Variants in ANO9 observed in about 807,000 individuals in gnomAD.
ANO9 encodes the protein anoctamin-9.
ANO9 carries 80 observed loss-of-function variants against 100.5 expected under a neutral mutation model. The observed-to-expected ratio is 0.80, with a 90% confidence interval of 0.66 to 0.96. ANO9 has a LOEUF of 0.96. ANO9 is among the 40% of genes least tolerant of loss of function. The pLI is 0.00. For missense variants in ANO9, 1,064 were observed against 1,072.7 expected (o/e 0.99, Z 0.11); for synonymous variants, 473 against 435.6 (o/e 1.09, Z -1.07).
At chr11:423,832 A>G (rs1303890739) in intron 15 of ANO9, among the ~76,000 whole-genome samples, 9 of 151,060 alleles carry the variant, frequency 6.0e-5, no homozygotes. Context: ...CACTCAGCCA[A>G]ATGTTTAATA....
chr11:420,058 G>T, intron 19 of ANO9: 1 of 1,318,646 alleles, frequency 7.6e-7, no homozygotes, highest in Non-Finnish European at 9.7e-7. Context: ...CCGAGACTGG[G>T]GGCCTCCCTA....
intron 22 of ANO9, 26 bp downstream of exon 22, chr11:418,694 C>G: frequency 6.2e-7 from 1 of 1,612,470 alleles, no homozygotes; most frequent in Non-Finnish European, 8.5e-7. Flanking sequence ...AGACCCACTC[C>G]GAGGCCTCTC....
rs1021291634 is a variant in ANO9 at position 422,231 on chromosome 11, G to C, written c.1335-1033C>G. ...ATGAAGAAAACTATAAAACTACCAA[G>C]GAGCATGAAAGACTTGCAGGGAGAA... On this transcript the variant is annotated intron_variant, in intron 15 of 22. Transcript: ENST00000332826. The surrounding 1 kb of genome is among the most constrained non-coding windows in gnomAD (Gnocchi z 4.3). 1.3e-5 allele frequency among the ~76,000 whole-genome samples: 2 copies of C among 152,174 alleles called. No individual in the cohort carries two copies. The highest frequency in any genetic ancestry group is 2.9e-5 in the Non-Finnish European group (2 of 68,036).
chr11:424,337 T>G (rs980873977), intron 15 of ANO9, among the ~76,000 whole-genome samples: 1 of 152,212 alleles, frequency 6.6e-6, no homozygotes, highest in Non-Finnish European at 1.5e-5. Context: ...GACCTCCCCA[T>G]GCAAAGAGGC....
At position 430,170 on chromosome 11, in the gene ANO9, G is replaced by A; in HGVS notation, c.684C>T (p.Ile228=). The change falls in exon 9 of 23, where the codon ATC becomes ATT. Residue 228 remains isoleucine (I), a synonymous_variant. Coordinates refer to ENST00000332826, the MANE Select transcript of ANO9 (RefSeq NM_001012302.3). ...ACATGAGGATGTCGTGGGCCTCACAGATCTCCTTGCTGAAGGGGCAGGGAT... is the reference window on the plus strand; with the variant it reads ...ACATGAGGATGTCGTGGGCCTCACAAATCTCCTTGCTGAAGGGGCAGGGAT... ...LFEASQISKE[I]CEAHDILMCP... 1 of 1,552,076 alleles carries A rather than the reference G, an allele frequency of 6.4e-7. No homozygotes were observed. Among genetic ancestry groups the A allele is most frequent in the Non-Finnish European group, 8.7e-7 (1 of 1,148,140 alleles).
chr11:423,510 T>C (rs1848316542), intron 15 of ANO9, among the ~76,000 whole-genome samples: 1 of 152,078 alleles, frequency 6.6e-6, no homozygotes, highest in Non-Finnish European at 1.5e-5. Context: ...AGTCAGGGAT[T>C]TGAAGGTTTA....
At position 433,928 on chromosome 11, in the gene ANO9, AG is replaced by A; in HGVS notation, c.90del (p.Ser31ProfsTer39). On this transcript the variant is annotated frameshift_variant, in exon 3 of 23. Transcript: ENST00000332826. LOFTEE classifies it high-confidence loss of function. ...LMEISTCETE[A>X]SEQWDYVLVA... is the part of the protein sequence containing the mutation. ...ACGAGGACATAGTCCCACTGCTCGG[AG>A]GCCTCGGTCTGCAGGGAGGAGGCAT... The A allele has an allele frequency of 6.4e-7, 1 of 1,562,218 alleles. No individual in the cohort carries two copies. Among genetic ancestry groups the A allele is most frequent in the Non-Finnish European group, 8.7e-7 (1 of 1,153,136 alleles).
chr11:433,256 C>A (rs1051534091), intron 4 of ANO9, 58 bp downstream of exon 4: 2 of 1,585,744 alleles, frequency 1.3e-6, no homozygotes, highest in African/African-American at 2.7e-5. Flanking sequence ...CCGGTCTGGA[C>A]CAATCACACA....
chr11:423,271 A>G (rs921740529), intron 15 of ANO9, among the ~76,000 whole-genome samples: 10 of 152,256 alleles, frequency 6.6e-5, no homozygotes, highest in African/African-American at 2.2e-4. Flanking sequence ...GCATAAAGCA[A>G]TAATACCCAG....
At chr11:430,000 C>G (rs904215386) in intron 9 of ANO9, 83 bp downstream of exon 9, 3 of 1,468,842 alleles carry the variant, frequency 2.0e-6, no homozygotes, top group Non-Finnish European at 2.8e-6. Flanking sequence ...CTGCAGGGCT[C>G]CAGGCCTTGA....
rs999107672 is a variant in ANO9 at position 420,642 on chromosome 11, G to A, written c.1634-27C>T. The A allele has an allele frequency of 2.5e-6, 4 of 1,603,004 alleles. No homozygotes were observed. In the African/African-American group the frequency reaches 4.0e-5, roughly 16 times the overall value. ...TGCGCGGTGGGGGTCAGGCTCACCG[G>A]CGCCCCGCACTCATGTCCGCGGACC... On this transcript the variant is annotated intron_variant, in intron 18 of 22. Coordinates refer to ENST00000332826, the MANE Select transcript of ANO9 (RefSeq NM_001012302.3).
At chr11:441,878 T>C (rs1438424786) in intron 1 of ANO9, 43 bp downstream of exon 1, 6 of 1,598,528 alleles carry the variant, frequency 3.8e-6, no homozygotes, top group Middle Eastern at 1.7e-4. Flanking sequence ...TGGGCGTGGC[T>C]GGGGGCCTTG....
rs1848636054 is a variant in ANO9, at chr11:428,126, A to G, written c.1296T>C (p.His432=). ...AGGCGATGTAGATGAGAGACGAGAAATGGGTGAAGAACTGCAGTGTGAAGA... is the reference window on the plus strand; with the variant it reads ...AGGCGATGTAGATGAGAGACGAGAAGTGGGTGAAGAACTGCAGTGTGAAGA... ...IRFFTLQFFT[H]FSSLIYIAFI... The change falls in exon 15 of 23, where the codon CAT becomes CAC. Residue 432 remains histidine (H), a synonymous_variant. Transcript: ENST00000332826. The G allele has an allele frequency of 6.8e-6, 11 of 1,610,220 alleles. No individual in the cohort carries two copies. The highest frequency in any genetic ancestry group is 9.3e-6 in the Non-Finnish European group (11 of 1,179,356).
chr11:437,614 C>T (rs1484767416), intron 1 of ANO9, among the ~76,000 whole-genome samples: 2 of 152,020 alleles, frequency 1.3e-5, no homozygotes, highest in South Asian at 2.1e-4. Context: ...CTTCATCCTC[C>T]GACAGATATG....
chr11:441,807 C>T (rs1396260407), intron 1 of ANO9, 114 bp downstream of exon 1: 3 of 1,467,842 alleles, frequency 2.0e-6, no homozygotes, highest in African/African-American at 2.8e-5. Context: ...GGACCCCCCC[C>T]ACACACACAG....
Position 428,652 on chromosome 11 carries a change from T to C in ANO9, c.1021-13A>G. On this transcript the variant is annotated splice_polypyrimidine_tract_variant and intron_variant, in intron 12 of 22. Transcript: ENST00000332826. ...TCATGAGGCAGATCTGCGGGACAGC[T>C]GTGGTGGGCGGGGGCCGGGGAGGGC... 1 of 1,611,766 alleles carries C rather than the reference T, an allele frequency of 6.2e-7. No homozygotes were observed. Among genetic ancestry groups the C allele is most frequent in the Non-Finnish European group, 8.5e-7 (1 of 1,179,306 alleles).
intron 15 of ANO9, among the ~76,000 whole-genome samples, chr11:425,275 AG>A (rs1564911625): frequency 2.3e-4 from 2 of 8,712 alleles, no homozygotes; most frequent in Non-Finnish European, 4.3e-4. Flanking sequence ...GGCGGCGTGG[AG>A]AGACGGGACG....
intron 18 of ANO9, 35 bp downstream of exon 18, chr11:420,683 T>C: frequency 6.2e-7 from 1 of 1,601,730 alleles, no homozygotes; most frequent in Non-Finnish European, 8.5e-7. Flanking sequence ...CCCGCATTCG[T>C]CTCCGCGAAC....
At chr11:424,185 CA>C (rs1848361013) in intron 15 of ANO9, among the ~76,000 whole-genome samples, 1 of 152,214 alleles carries the variant, frequency 6.6e-6, no homozygotes. Context: ...TAAGCCACTG[CA>C]CCTGGCCCAC....
Sources: gnomAD v4.1 joint callset for allele counts (sites outside exome capture counted in the v4.1 genomes callset) on GRCh38, gnomAD v4.1.1 for gene constraint, Gnocchi (gnomAD v3.1) non-coding constraint, MANE v1.5 for transcripts, NCBI Gene and HGNC (gene_info 2026-07-23, HGNC 2026-07-21) for gene names.